Variants in SRP68 observed in about 807,000 individuals in gnomAD.
SRP68 encodes signal recognition particle subunit SRP68.
A neutral mutation model predicts 82.2 loss-of-function variants in SRP68; 15 were observed. That is an observed-to-expected ratio of 0.18 (90% confidence interval 0.12 to 0.28). The LOEUF is 0.28. Ranked by LOEUF, SRP68 falls within the 10% of genes least tolerant of loss-of-function variation. The probability of loss-of-function intolerance (pLI) is 1.00; values close to 1 mark genes in which losing one functional copy is unlikely to be tolerated. For synonymous variants in SRP68, 261 were observed against 292.6 expected, an observed-to-expected ratio of 0.89 and a Z score of 1.10; for missense variants, 595 against 780.5, an observed-to-expected ratio of 0.76 and a Z score of 2.83.
At chr17:76,053,610 C>T (rs368574234) in intron 8 of SRP68, 1 of 985,232 alleles carries the variant, frequency 1.0e-6, no homozygotes, top group Non-Finnish European at 1.2e-6. Flanking sequence ...TCTAAGTTCC[C>T]ACTGGGAATT....
rs1196129289 is a variant in SRP68 at position 76,045,309 on chromosome 17, C to T, written c.1377G>A (p.Leu459=). 1 of 1,613,570 alleles carries T rather than the reference C, an allele frequency of 6.2e-7. No homozygotes were observed. The highest frequency in any genetic ancestry group is 1.3e-5 in the African/African-American group (1 of 74,864). The change falls in exon 12 of 16, where the codon CTG becomes CTA. Residue 459 remains leucine, a synonymous_variant. Transcript: ENST00000307877. ...GACGTTACCTGTAAGCTTTGAACAC[C>T]AGAGTCTTGAGGCCTATCTCTTTCT... The part of the protein sequence containing the change: ...AFQKEIGLKT[L]VFKAYRCFFI...
At chr17:76,067,461 A>G in intron 2 of SRP68, 131 bp from the exon 3 acceptor site, 2 of 669,938 alleles carry the variant, frequency 3.0e-6, no homozygotes, top group East Asian at 2.8e-5. Context: ...ATTATCACAT[A>G]TCAGCTTCCA....
intron 3 of SRP68, 142 bp from the exon 4 acceptor site, chr17:76,064,313 A>G: frequency 1.4e-6 from 1 of 696,470 alleles, no homozygotes; most frequent in African/African-American, 1.8e-5. Context: ...TGATATTCTC[A>G]GCCATGACTC....
intron 9 of SRP68, 138 bp downstream of exon 9, chr17:76,050,290 C>G: frequency 4.2e-5 from 25 of 594,388 alleles, no homozygotes; most frequent in Non-Finnish European, 5.5e-5. Flanking sequence ...TCCCTTACGA[C>G]CTCACCTCAA....
At chr17:76,062,782 T>TATATATAAAATATATATATATATA (rs2066777072) in intron 4 of SRP68, among the ~76,000 whole-genome samples, 1 of 96,636 alleles carries the variant, frequency 1.0e-5, no homozygotes, top group African/African-American at 5.3e-5. Context: ...ATATATATAT[T>TATATATAAAATATATATATATATA]TTTTTTGAGA....
chr17:76,045,059 G>GT (rs2066619615), intron 12 of SRP68: 3 of 404,578 alleles, frequency 7.4e-6, no homozygotes, highest in Non-Finnish European at 1.3e-5. Context: ...CAAGTTTAAC[G>GT]TGTGTGCTCC....
intron 8 of SRP68, among the ~76,000 whole-genome samples, chr17:76,051,631 T>C (rs751140932): frequency 1.6e-4 from 24 of 152,172 alleles, no homozygotes; most frequent in Non-Finnish European, 2.8e-4. Context: ...TAGTCTCCAG[T>C]GTGAAAAAAA....
At chr17:76,040,689 G>A (rs1426936819) in intron 14 of SRP68, 8 of 658,842 alleles carry the variant, frequency 1.2e-5, no homozygotes, top group South Asian at 1.8e-5. Flanking sequence ...ACAGTTGCAT[G>A]AGGACAGTAA....
Position 76,063,917 on chromosome 17 carries a change from C to T in SRP68, c.561+59G>A, listed in dbSNP as rs2144523804. ...TAAGAAACTCTGTTCTGTTTAACTG[C>T]AGCTTTTTAAAATGTCTTTAATCTC... On this transcript the variant is annotated intron_variant, in intron 4 of 15. Coordinates refer to ENST00000307877, the MANE Select transcript of SRP68 (RefSeq NM_014230.4). 5 of 1,464,156 alleles carry T rather than the reference C, an allele frequency of 3.4e-6. No homozygotes were observed. The South Asian group carries it at 6.3e-5, about 19-fold the overall frequency. The allele number at this position is 1,464,156 out of a possible 1,614,324, so 90.7% of individuals were successfully genotyped here. A position where few individuals can be genotyped will look rare whatever the true frequency, so the allele number is the denominator to read the frequency against.
Position 76,072,340 on chromosome 17 carries a change from T to A in SRP68, c.152A>T (p.Asn51Ile). The change falls in exon 1 of 16, where the codon AAC becomes ATC. Residue 51 changes from asparagine to isoleucine, a missense_variant. Transcript: ENST00000307877. This position sits in a 1 kb window ranked among gnomAD's most constrained non-coding sequence, Gnocchi z 4.5. ...NERPSAGSKA[N>I]KEFGDSLSLE... ...ACTCAGGCTATCCCCAAATTCTTTG[T>A]TTGCCTTCGATCCGGCCGAAGGGCG... 1 of 1,612,650 alleles carries A rather than the reference T, an allele frequency of 6.2e-7. No individual in the cohort carries two copies. Among genetic ancestry groups the A allele is most frequent in the Admixed American group, 1.7e-5 (1 of 59,868 alleles).
chr17:76,045,784 C>T (rs73997696), intron 11 of SRP68, among the ~76,000 whole-genome samples: 79 of 152,266 alleles, frequency 5.2e-4, no homozygotes, highest in African/African-American at 1.9e-3. Flanking sequence ...CTCAGATGCT[C>T]TATGGCACCT....
At chr17:76,055,840 C>T (rs2066710344) in intron 8 of SRP68, among the ~76,000 whole-genome samples, 1 of 124,070 alleles carries the variant, frequency 8.1e-6, no homozygotes, top group Admixed American at 1.0e-4. Flanking sequence ...GACAGAGTTG[C>T]ACAGTTACCC....
chr17:76,064,468 C>CA (rs2066791764), intron 3 of SRP68, among the ~76,000 whole-genome samples: 1 of 152,158 alleles, frequency 6.6e-6, no homozygotes, highest in South Asian at 2.1e-4. Flanking sequence ...GTCAAACAGA[C>CA]ACGGTCTAGG....
At chr17:76,065,235 A>G (rs1270833591) in intron 3 of SRP68, among the ~76,000 whole-genome samples, 1 of 152,036 alleles carries the variant, frequency 6.6e-6, no homozygotes, top group Admixed American at 6.6e-5. Flanking sequence ...GGATCACTTG[A>G]GGCCAGGAGT....
intron 12 of SRP68, 114 bp from the exon 13 acceptor site, chr17:76,044,072 G>GCTCCC: frequency 8.1e-7 from 1 of 1,227,858 alleles, no homozygotes; most frequent in Non-Finnish European, 1.1e-6. Context: ...CTTAACGTGG[G>GCTCCC]ATCACCGCAT....
intron 3 of SRP68, 22 bp downstream of exon 3, chr17:76,067,195 A>G: frequency 6.4e-7 from 1 of 1,552,948 alleles, no homozygotes. Context: ...GTAATTTGCA[A>G]CTAGCATGGA....
chr17:76,062,927 C>T (rs554619651), intron 4 of SRP68, among the ~76,000 whole-genome samples: 35 of 148,812 alleles, frequency 2.4e-4, no homozygotes, highest in East Asian at 7.9e-4. Flanking sequence ...TCCGCCACTA[C>T]GCCCAGCTAA....
chr17:76,069,136 C>T (rs2066829572), intron 2 of SRP68, among the ~76,000 whole-genome samples: 1 of 151,962 alleles, frequency 6.6e-6, no homozygotes, highest in South Asian at 2.1e-4. Context: ...GCCTGTAATC[C>T]TAGCACTTTG....
At chr17:76,050,597 A>C in intron 8 of SRP68, 71 bp from the exon 9 acceptor site, 3 of 1,049,160 alleles carry the variant, frequency 2.9e-6, no homozygotes, top group Non-Finnish European at 4.4e-6. Flanking sequence ...GGAGAGGAGC[A>C]AAATCGCACA....
Sources: gnomAD v4.1 joint callset for allele counts (sites outside exome capture counted in the v4.1 genomes callset) on GRCh38, gnomAD v4.1.1 for gene constraint, Gnocchi (gnomAD v3.1) non-coding constraint, MANE v1.5 for transcripts, NCBI Gene and HGNC (gene_info 2026-07-23, HGNC 2026-07-21) for gene names.